The following CFAP299 variants were observed in gnomAD, a reference collection of about 807,000 sequenced individuals.
The protein encoded by CFAP299 is cilia and flagella associated protein 299, also known as cilia- and flagella-associated protein 299.
A neutral mutation model predicts 27.0 loss-of-function variants in CFAP299; 21 were observed. That is an observed-to-expected ratio of 0.78 (90% CI 0.55 to 1.12). CFAP299 has a LOEUF of 1.12. Among genes scored for constraint, CFAP299 ranks in the 50% most tolerant of loss-of-function variants. CFAP299 has a pLI of 0.00. For synonymous variants in CFAP299, 104 were observed against 98.1 expected (o/e 1.06, Z -0.36); for missense variants, 310 against 276.6 (o/e 1.12, Z -0.86).
intron 4 of CFAP299, among the ~76,000 whole-genome samples, chr4:80,878,538 A>G (rs552895066): frequency 1.3e-5 from 2 of 152,276 alleles, no homozygotes; most frequent in South Asian, 2.1e-4. Flanking sequence ...CTAAAAAGAT[A>G]TATTTTCCTT....
chr4:80,698,378 T>C (rs1721247641), intron 3 of CFAP299, among the ~76,000 whole-genome samples: 1 of 152,136 alleles, frequency 6.6e-6, no homozygotes, highest in Non-Finnish European at 1.5e-5. Flanking sequence ...TAGCAGTCAG[T>C]GAATGTTTTT....
chr4:80,340,822 C>A (rs997708513), intron 1 of CFAP299, among the ~76,000 whole-genome samples: 2 of 151,850 alleles, frequency 1.3e-5, no homozygotes, highest in African/African-American at 2.4e-5. Context: ...TTTGCCCAGG[C>A]TGGAGTGCAA....
rs374950837 is a variant in CFAP299 at position 80,954,680 on chromosome 4, C to T, written c.607-8837C>T. ...TCCAAGGGGATAGGTTCTTAATATG[C>T]GGGGGGGACAACTTATTTTTAAAAT... On this transcript the variant is annotated intron_variant, in intron 5 of 5. Coordinates refer to ENST00000358105, the MANE Select transcript of CFAP299 (RefSeq NM_152770.3). 1.7e-4 allele frequency among the ~76,000 whole-genome samples: 26 copies of T among 151,778 alleles called. 1 individual carries two copies. The East Asian group carries it at 1.7e-3, about 10-fold the overall frequency.
rs60538104 is a variant in CFAP299 at position 80,390,478 on chromosome 4, CCTCT to C, written c.242+27605_242+27608del. On this transcript the variant is annotated intron_variant, in intron 2 of 5. Transcript: ENST00000358105. ...CATTTTAAAGACTGAGCAATTCTCT[CCTCT>C]CTCTCTCTCTATATATATGTATATA... 2.5e-4 allele frequency among the ~76,000 whole-genome samples: 34 copies of C among 137,366 alleles called. 1 individual carries two copies. Among genetic ancestry groups the C allele is most frequent in the African/African-American group, 1.0e-3 (31 of 31,052 alleles). 90.1% of individuals were successfully genotyped at this position (137,366 alleles called of 152,430 possible).
chr4:80,665,500 T>G, intron 3 of CFAP299, among the ~76,000 whole-genome samples: 1 of 152,226 alleles, frequency 6.6e-6, no homozygotes, highest in East Asian at 1.9e-4. Context: ...TGTTGTATCC[T>G]TTAATGTTTT....
chr4:80,895,787 G>A lies in CFAP299; in HGVS notation c.476+25652G>A, dbSNP rs186197445. 5.9e-5 allele frequency among the ~76,000 whole-genome samples: 9 copies of A among 151,978 alleles called. No homozygotes were observed. The South Asian group carries it at 1.9e-3, about 32-fold the overall frequency. On this transcript the variant is annotated intron_variant, in intron 4 of 5. Transcript: ENST00000358105. ...GCTGTGCAGAACTGTGGAAGGCAGT[G>A]GTAAGGAAAAACTACTATTAGGTAA...
At chr4:80,387,560 G>A in intron 2 of CFAP299, 2 of 955,282 alleles carry the variant, frequency 2.1e-6, no homozygotes, top group Non-Finnish European at 3.4e-6. Context: ...TCATCCTCCT[G>A]CCTACTGGGG....
At chr4:80,566,305 A>C (rs145120439) in intron 2 of CFAP299, among the ~76,000 whole-genome samples, 20 of 152,078 alleles carry the variant, frequency 1.3e-4, no homozygotes, top group African/African-American at 4.8e-4. Flanking sequence ...CTTTCTTCCC[A>C]AACTCCCCTA....
At chr4:80,671,908 G>T (rs11732131) in intron 3 of CFAP299, among the ~76,000 whole-genome samples, 10,488 of 152,104 alleles carry the variant, frequency 0.069, 806 homozygotes, top group African/African-American at 0.18. Flanking sequence ...GAGATGATGG[G>T]GTTTTCTAAA....
chr4:80,571,349 G>A (rs1414499945), intron 2 of CFAP299, among the ~76,000 whole-genome samples: 1 of 151,924 alleles, frequency 6.6e-6, no homozygotes, highest in African/African-American at 2.4e-5. Flanking sequence ...TATCTGGCTT[G>A]AAATTATTTC....
At position 80,364,983 on chromosome 4, in the gene CFAP299, T is replaced by A. The variant is rs113192591; in HGVS notation, c.242+2099T>A. ...AGTATTCCATGGTATATATGTACCA[T>A]ATTTTCTTTTTTCAGTCTATCATTG... On this transcript the variant is annotated intron_variant, in intron 2 of 5. Transcript: ENST00000358105. 4.6e-5 allele frequency among the ~76,000 whole-genome samples: 7 copies of A among 152,310 alleles called. 1 individual carries two copies. The highest frequency in any genetic ancestry group is 1.7e-4 in the African/African-American group (7 of 41,568).
chr4:80,597,950 G>A (rs776625174), intron 3 of CFAP299, among the ~76,000 whole-genome samples: 1 of 152,134 alleles, frequency 6.6e-6, no homozygotes, highest in Non-Finnish European at 1.5e-5. Context: ...GCCTCCCAAA[G>A]TACTGGGATT....
At chr4:80,760,586 A>T (rs1354040996) in intron 3 of CFAP299, among the ~76,000 whole-genome samples, 2 of 152,220 alleles carry the variant, frequency 1.3e-5, no homozygotes, top group Admixed American at 6.5e-5. Context: ...GCTATTTTTA[A>T]AGATCATATG....
intron 2 of CFAP299, among the ~76,000 whole-genome samples, chr4:80,569,658 G>A (rs1043157157): frequency 1.3e-5 from 2 of 151,836 alleles, no homozygotes; most frequent in African/African-American, 2.4e-5. Context: ...TACAAATTAC[G>A]TTTTATTTTA....
chr4:80,671,323 G>T (rs1249071562), intron 3 of CFAP299, among the ~76,000 whole-genome samples: 2 of 152,064 alleles, frequency 1.3e-5, no homozygotes, highest in Non-Finnish European at 2.9e-5. Flanking sequence ...TCTTTCTGAG[G>T]CCTCTGTTGT....
chr4:80,731,738 G>A (rs1221115045), intron 3 of CFAP299, among the ~76,000 whole-genome samples: 1 of 151,968 alleles, frequency 6.6e-6, no homozygotes, highest in Non-Finnish European at 1.5e-5. Flanking sequence ...CTAAAACTAT[G>A]GAAGTCTTTG....
intron 3 of CFAP299, among the ~76,000 whole-genome samples, chr4:80,707,896 C>T (rs1721915822): frequency 6.6e-6 from 1 of 152,078 alleles, no homozygotes; most frequent in Admixed American, 6.6e-5. Flanking sequence ...CCAATCAGCT[C>T]TAGCTGTGAT....
intron 2 of CFAP299, among the ~76,000 whole-genome samples, chr4:80,580,758 T>C (rs565449363): frequency 1.3e-5 from 2 of 152,154 alleles, no homozygotes; most frequent in African/African-American, 4.8e-5. Context: ...CTAGACAGGA[T>C]TGTATTTTCT....
chr4:80,341,555 A>C (rs1182553150), intron 1 of CFAP299, among the ~76,000 whole-genome samples: 1 of 152,134 alleles, frequency 6.6e-6, no homozygotes, highest in East Asian at 1.9e-4. Context: ...CGAGGCACCT[A>C]GGGTCTGCAG....
Sources: gnomAD v4.1 joint callset for allele counts (sites outside exome capture counted in the v4.1 genomes callset) on GRCh38, gnomAD v4.1.1 for gene constraint, MANE v1.5 for transcripts, NCBI Gene and HGNC (gene_info 2026-07-23, HGNC 2026-07-21) for gene names.